The following INSC variants were observed in gnomAD, a reference collection of about 807,000 sequenced individuals.
INSC encodes INSC spindle orientation adaptor protein, also known as protein inscuteable homolog.
A neutral mutation model predicts 58.6 loss-of-function variants in INSC; 67 were observed. The ratio of observed to expected loss-of-function variants is 1.14; its 90% confidence interval spans 0.94 to 1.40. The LOEUF (loss-of-function observed/expected upper bound fraction) is 1.40, where lower values mean the gene tolerates loss of function less well. Ranked by LOEUF, INSC falls within the 40% of genes most tolerant of loss-of-function variation. The pLI is 0.00. For missense variants in INSC, 714 were observed against 692.0 expected (o/e 1.03, Z -0.36); for synonymous variants, 262 against 276.1 (o/e 0.95, Z 0.51).
intron 7 of INSC, among the ~76,000 whole-genome samples, chr11:15,216,597 T>C (rs1851227763): frequency 6.6e-6 from 1 of 152,148 alleles, no homozygotes; most frequent in African/African-American, 2.4e-5. Flanking sequence ...TTCTGAGGAG[T>C]TGCAATTATT....
chr11:15,132,063 G>A (rs1848138223), intron 1 of INSC, among the ~76,000 whole-genome samples: 1 of 151,966 alleles, frequency 6.6e-6, no homozygotes, highest in Admixed American at 6.6e-5. Context: ...CATAGTTGGA[G>A]GGAATTTTCT....
intron 8 of INSC, among the ~76,000 whole-genome samples, chr11:15,221,966 G>A (rs537906540): frequency 2.0e-5 from 3 of 152,230 alleles, no homozygotes; most frequent in African/African-American, 4.8e-5. Flanking sequence ...AAATTTTGAC[G>A]TTCAGATACT....
chr11:15,247,720 T>C (rs1051870860), downstream of INSC, among the ~76,000 whole-genome samples: 2 of 138,940 alleles, frequency 1.4e-5, no homozygotes, highest in African/African-American at 5.5e-5. Context: ...AAGCTTCCAT[T>C]TTTAGAAATA....
upstream of INSC, chr11:15,112,482 C>A (rs777486831): frequency 4.3e-6 from 7 of 1,609,582 alleles, no homozygotes; most frequent in Non-Finnish European, 5.9e-6. Context: ...GAGACGGCCC[C>A]CTGGCAATGG....
At chr11:15,132,852 C>T (rs1270129465) in intron 1 of INSC, among the ~76,000 whole-genome samples, 1 of 152,114 alleles carries the variant, frequency 6.6e-6, no homozygotes, top group Non-Finnish European at 1.5e-5. Context: ...CTGTTGTCTG[C>T]TGAGTTTCAT....
chr11:15,212,440 A>G (rs1398855891), intron 7 of INSC, among the ~76,000 whole-genome samples: 9 of 152,158 alleles, frequency 5.9e-5, no homozygotes, highest in Non-Finnish European at 4.4e-5. Context: ...GCCGTGAGCC[A>G]CTGGGCCCCG....
intron 2 of INSC, among the ~76,000 whole-genome samples, chr11:15,167,604 G>C (rs1449322578): frequency 1.3e-5 from 2 of 151,430 alleles, no homozygotes; most frequent in Non-Finnish European, 2.9e-5. Flanking sequence ...TGAGTAGCTG[G>C]GACCACAGGG....
At chr11:15,222,480 A>G (rs2133934633) in intron 8 of INSC, among the ~76,000 whole-genome samples, 1 of 152,298 alleles carries the variant, frequency 6.6e-6, no homozygotes, top group South Asian at 2.1e-4. Context: ...GGGGCAACAC[A>G]GAACATTGGG....
intron 2 of INSC, among the ~76,000 whole-genome samples, chr11:15,157,128 A>C (rs563978564): frequency 6.6e-6 from 1 of 152,316 alleles, no homozygotes; most frequent in South Asian, 2.1e-4. Context: ...ACTTCTGGGA[A>C]CTGGGTAGGA....
At chr11:15,139,523 G>T (rs1412102689) in intron 1 of INSC, among the ~76,000 whole-genome samples, 3 of 152,200 alleles carry the variant, frequency 2.0e-5, no homozygotes, top group Non-Finnish European at 4.4e-5. Flanking sequence ...CTTTTTTCTG[G>T]CTGCCTCCCA....
intron 6 of INSC, among the ~76,000 whole-genome samples, chr11:15,193,668 C>T (rs1850264899): frequency 6.6e-6 from 1 of 152,220 alleles, no homozygotes; most frequent in Non-Finnish European, 1.5e-5. Flanking sequence ...ATATGTGCCA[C>T]ATTTTCTTAA....
chr11:15,245,936 G>T lies in INSC; in HGVS notation c.1495G>T (p.Val499Phe). Reference sequence around the variant, plus strand: ...GGCTGCTCTGCGTAGATTGGCTGGGGTCTGCCCTGAAGGCCTCCAGGACTC... The same window carrying T: ...GGCTGCTCTGCGTAGATTGGCTGGGTTCTGCCCTGAAGGCCTCCAGGACTC... ...CLAALRRLAGVCPEGLQDSDF... is the reference protein window; with the variant it reads ...CLAALRRLAGFCPEGLQDSDF... The change falls in exon 13 of 13, where the codon GTC (valine) becomes TTC (phenylalanine). Residue 499 changes from valine to phenylalanine, a missense_variant. Transcript: ENST00000379556. The T allele has an allele frequency of 6.2e-7, 1 of 1,614,194 alleles. No homozygotes were observed. The highest frequency in any genetic ancestry group is 8.5e-7 in the Non-Finnish European group (1 of 1,180,000).
chr11:15,261,746 T>C, the INSC span, among the ~76,000 whole-genome samples: 5 of 152,262 alleles, frequency 3.3e-5, no homozygotes, highest in East Asian at 9.7e-4. Flanking sequence ...TTGAAGAATA[T>C]TGAGAAAGAT....
At chr11:15,265,420 A>G in the INSC span, among the ~76,000 whole-genome samples, 4 of 152,176 alleles carry the variant, frequency 2.6e-5, no homozygotes, top group South Asian at 4.1e-4. Context: ...TCTCAATAAG[A>G]TCATCTAGTG....
chr11:15,175,058 T>C (rs1849526603), intron 2 of INSC, among the ~76,000 whole-genome samples: 1 of 152,208 alleles, frequency 6.6e-6, no homozygotes, highest in South Asian at 2.1e-4. Flanking sequence ...ATTACAAAAG[T>C]AATATACATG....
intron 1 of INSC, among the ~76,000 whole-genome samples, chr11:15,141,881 C>G (rs1194817139): frequency 6.6e-6 from 1 of 152,110 alleles, no homozygotes; most frequent in East Asian, 1.9e-4. Flanking sequence ...TAAATTAATC[C>G]TTGTTGCTGG....
chr11:15,189,691 G>T (rs1427162600), intron 5 of INSC, among the ~76,000 whole-genome samples: 1 of 152,228 alleles, frequency 6.6e-6, no homozygotes, highest in Non-Finnish European at 1.5e-5. Context: ...GAAACCACAT[G>T]AGTGGCTGCT....
chr11:15,114,979 A>T lies in INSC; in HGVS notation c.-70A>T, dbSNP rs1192202294. The T allele has an allele frequency of 9.1e-6, 9 of 985,344 alleles. No homozygotes were observed. In the East Asian group the frequency reaches 9.1e-4, roughly 99 times the overall value. 61.0% of individuals were successfully genotyped at this position (985,344 alleles called of 1,614,324 possible). A position where few individuals can be genotyped will look rare whatever the true frequency, so the allele number is the denominator to read the frequency against. ...CGCCCCGCCACCACTGGCCGCTCGC[A>T]CTACCAGCCTGTCTCGCACGCTAAG... On this transcript the variant is annotated 5_prime_UTR_variant, in exon 1 of 13. Coordinates refer to ENST00000379556, the MANE Select transcript of INSC (RefSeq NM_001042536.3).
In INSC at chr11:15,245,949, G is replaced by T. The variant is rs1169512566; in HGVS notation, c.1508G>T (p.Gly503Val). The part of the protein sequence containing the change: ...LRRLAGVCPE[G>V]LQDSDFQQLV... ...AGATTGGCTGGGGTCTGCCCTGAAG[G>T]CCTCCAGGACTCTGACTTTCAGCAG... The change falls in exon 13 of 13, where the codon GGC (glycine) becomes GTC (valine). Residue 503 changes from glycine (G) to valine (V), a missense_variant. Gly to Val is a moderately radical substitution (Grantham distance 109). Coordinates refer to ENST00000379556, the MANE Select transcript of INSC (RefSeq NM_001042536.3). The T allele has an allele frequency of 6.2e-7, 1 of 1,614,192 alleles. No individual in the cohort carries two copies. The highest frequency in any genetic ancestry group is 8.5e-7 in the Non-Finnish European group (1 of 1,180,016).
Sources: allele counts gnomAD v4.1 joint callset (sites outside exome capture counted in the v4.1 genomes callset), GRCh38; gene constraint gnomAD v4.1.1; transcripts MANE v1.5; gene names NCBI Gene and HGNC (gene_info 2026-07-23, HGNC 2026-07-21).